Variants in PAK5 observed in about 807,000 individuals in gnomAD.
The protein encoded by PAK5 is p21 (RAC1) activated kinase 5.
A neutral mutation model predicts 65.9 loss-of-function variants in PAK5; 16 were observed. The observed-to-expected ratio is 0.24, with a 90% CI of 0.16 to 0.37. The LOEUF (loss-of-function observed/expected upper bound fraction) is 0.37. Among genes scored for constraint, PAK5 ranks in the 10% least tolerant of loss-of-function variants. The pLI is 1.00. For missense variants in PAK5, 785 were observed against 903.9 expected, an observed-to-expected ratio of 0.87 and a Z score of 1.69; for synonymous variants, 371 against 354.9, an observed-to-expected ratio of 1.05 and a Z score of -0.51.
chr20:9,539,619 T>C lies in PAK5; in HGVS notation c.2005-2A>G. On this transcript the variant is annotated splice_acceptor_variant, in intron 9 of 9. Transcript: ENST00000353224. LOFTEE classifies it high-confidence loss of function. ...GAATCCCCGGAGCACTGAAGAAACCTGTGAAAACACACAGATACCAATCTG... is the reference window on the plus strand; with the variant it reads ...GAATCCCCGGAGCACTGAAGAAACCCGTGAAAACACACAGATACCAATCTG... The C allele has an allele frequency of 6.2e-7, 1 of 1,612,766 alleles. No individual in the cohort carries two copies. The highest frequency in any genetic ancestry group is 8.5e-7 in the Non-Finnish European group (1 of 1,179,638).
rs1009324698 is a variant in PAK5, at chr20:9,748,175, T to G, written c.-161-36740A>C. 4.6e-5 allele frequency among the ~76,000 whole-genome samples: 7 copies of G among 151,822 alleles called. No homozygotes were observed. In the East Asian group the frequency reaches 5.8e-4, roughly 13 times the overall value. ...AGGAGAACTACAAACCACTGCTCAA[T>G]GAAATAAAAGAGGATACAAATAAAT... On this transcript the variant is annotated intron_variant, in intron 1 of 9. Transcript: ENST00000353224.
intron 3 of PAK5, among the ~76,000 whole-genome samples, chr20:9,603,077 C>T (rs4816151): frequency 0.27 from 40,929 of 152,048 alleles, 6,769 homozygotes; most frequent in East Asian, 0.53. Context: ...ACTTTCAACA[C>T]GGAAGCATCA....
intron 2 of PAK5, among the ~76,000 whole-genome samples, chr20:9,709,465 C>T (rs1442524688): frequency 3.3e-5 from 5 of 152,138 alleles, no homozygotes; most frequent in Non-Finnish European, 7.4e-5. Context: ...TGATGGTTTG[C>T]ACCTGTTTAC....
chr20:9,743,511 C>T lies in PAK5; in HGVS notation c.-161-32076G>A, dbSNP rs1048236808. ...ACTTGTATCAGACTCTTAGGTAATG[C>T]CTGTCAGTGACTCCTAAACCAAAAT... On this transcript the variant is annotated intron_variant, in intron 1 of 9. Coordinates refer to ENST00000353224, the MANE Select transcript of PAK5 (RefSeq NM_177990.4). 2.6e-5 allele frequency among the ~76,000 whole-genome samples: 4 copies of T among 151,992 alleles called. 1 individual carries two copies. Among genetic ancestry groups the T allele is most frequent in the Admixed American group, 2.0e-4 (3 of 15,248 alleles).
chr20:9,823,790 C>T (rs750837651), intron 1 of PAK5, among the ~76,000 whole-genome samples: 7 of 150,996 alleles, frequency 4.6e-5, no homozygotes, highest in East Asian at 3.9e-4. Context: ...TACTTGCTCT[C>T]GAATCCTTGC....
At chr20:9,666,229 G>C (rs1055252297) in intron 2 of PAK5, among the ~76,000 whole-genome samples, 2 of 152,026 alleles carry the variant, frequency 1.3e-5, no homozygotes, top group East Asian at 3.9e-4. Flanking sequence ...GGCATAACTT[G>C]AGTCATATAA....
intron 3 of PAK5, among the ~76,000 whole-genome samples, chr20:9,599,468 G>C (rs2046324141): frequency 6.6e-6 from 1 of 152,182 alleles, no homozygotes; most frequent in Admixed American, 6.5e-5. Flanking sequence ...ATTCCCATCA[G>C]CACTGCATGA....
At chr20:9,551,666 C>T (rs1483783631) in intron 7 of PAK5, among the ~76,000 whole-genome samples, 1 of 152,202 alleles carries the variant, frequency 6.6e-6, no homozygotes, top group Admixed American at 6.5e-5. Context: ...CAAAAGGGGG[C>T]TACTTGTGTG....
intron 1 of PAK5, among the ~76,000 whole-genome samples, chr20:9,738,910 T>C (rs2123578243): frequency 6.6e-6 from 1 of 151,990 alleles, no homozygotes; most frequent in East Asian, 1.9e-4. Flanking sequence ...TTAGCTGCAA[T>C]AGTAACATTT....
intron 3 of PAK5, among the ~76,000 whole-genome samples, chr20:9,629,381 A>G (rs1381749554): frequency 1.3e-5 from 2 of 152,214 alleles, no homozygotes; most frequent in East Asian, 3.8e-4. Context: ...TTGGGCTGCT[A>G]TAACAAAATA....
intron 1 of PAK5, among the ~76,000 whole-genome samples, chr20:9,759,263 C>T (rs970299137): frequency 1.1e-4 from 16 of 152,110 alleles, no homozygotes; most frequent in Non-Finnish European, 1.3e-4. Flanking sequence ...CATCTGATAA[C>T]ACCATGTTTT....
At chr20:9,822,737 G>A (rs2049437634) in intron 1 of PAK5, among the ~76,000 whole-genome samples, 1 of 152,160 alleles carries the variant, frequency 6.6e-6, no homozygotes, top group East Asian at 1.9e-4. Context: ...TATGCCTACT[G>A]ACTTCCAACA....
chr20:9,760,038 G>A (rs930416124), intron 1 of PAK5, among the ~76,000 whole-genome samples: 7 of 152,180 alleles, frequency 4.6e-5, no homozygotes, highest in Non-Finnish European at 8.8e-5. Context: ...TTGAAAGTGT[G>A]TAAATATTTG....
intron 3 of PAK5, among the ~76,000 whole-genome samples, chr20:9,615,657 A>G (rs1280879954): frequency 6.6e-6 from 1 of 152,260 alleles, no homozygotes; most frequent in East Asian, 1.9e-4. Context: ...CTGCTGCTGC[A>G]TAATAAATCA....
At chr20:9,689,824 A>C (rs1161260783) in intron 2 of PAK5, among the ~76,000 whole-genome samples, 1 of 152,030 alleles carries the variant, frequency 6.6e-6, no homozygotes, top group East Asian at 1.9e-4. Flanking sequence ...GTGTAGACTC[A>C]TATGTGCTTA....
chr20:9,556,823 T>G (rs934605466), intron 7 of PAK5, among the ~76,000 whole-genome samples: 1 of 152,180 alleles, frequency 6.6e-6, no homozygotes, highest in African/African-American at 2.4e-5. Flanking sequence ...TCCTCCCTCC[T>G]CCAAGCCTTA....
chr20:9,655,678 T>C (rs931116967), intron 2 of PAK5, among the ~76,000 whole-genome samples: 7 of 152,336 alleles, frequency 4.6e-5, no homozygotes, highest in Middle Eastern at 6.8e-3. Context: ...ATCTGTGGCA[T>C]AGATTGTCAG....
chr20:9,648,736 T>C (rs1395066994), intron 2 of PAK5, among the ~76,000 whole-genome samples: 1 of 152,174 alleles, frequency 6.6e-6, no homozygotes, highest in South Asian at 2.1e-4. Flanking sequence ...AGATTTAGAA[T>C]CTCAAAACAC....
Position 9,621,567 on chromosome 20 carries a change from C to T in PAK5, c.204+22558G>A, listed in dbSNP as rs143736166. On this transcript the variant is annotated intron_variant, in intron 3 of 9. Transcript: ENST00000353224. ...TTATGTAGGCATATCCTAGAAAATTCCTTAATTCTAAGAATGAAAAAAACT... is the reference window on the plus strand; with the variant it reads ...TTATGTAGGCATATCCTAGAAAATTTCTTAATTCTAAGAATGAAAAAAACT... Among the ~76,000 whole-genome samples, 267 of 151,706 alleles carry T rather than the reference C, an allele frequency of 1.8e-3. 2 individuals carry two copies. The highest frequency in any genetic ancestry group is 6.1e-3 in the African/African-American group (252 of 41,396).
Sources: gnomAD v4.1 joint callset for allele counts (sites outside exome capture counted in the v4.1 genomes callset) on GRCh38, gnomAD v4.1.1 for gene constraint, MANE v1.5 for transcripts, NCBI Gene and HGNC (gene_info 2026-07-23, HGNC 2026-07-21) for gene names.